GRID2IP: variants seen among roughly 807,000 people sequenced by gnomAD.
GRID2IP encodes the protein Grid2 interacting protein.
Under a neutral mutation model 114.3 loss-of-function variants are expected in GRID2IP, and 78 were observed. That is an observed-to-expected ratio of 0.68 (90% CI 0.57 to 0.82). GRID2IP has a LOEUF of 0.82. GRID2IP is among the 40% of genes least tolerant of loss of function. The pLI is 0.00. For synonymous variants in GRID2IP, 809 were observed against 724.0 expected (o/e 1.12, Z -1.89); for missense variants, 1,727 against 1,678.5 (o/e 1.03, Z -0.51).
rs1779729499 is a variant in GRID2IP at position 6,536,683 on chromosome 7, C to CG, written c.584+3034dup. 1.6e-6 allele frequency: 1 copy of CG among 642,432 alleles called. No homozygotes were observed. Among genetic ancestry groups the CG allele is most frequent in the Non-Finnish European group, 2.9e-6 (1 of 348,754 alleles). The allele number at this position is 642,432 out of a possible 1,614,324, so 39.8% of individuals were successfully genotyped here. On this transcript the variant is annotated intron_variant, in intron 2 of 21. Coordinates refer to ENST00000457091, the MANE Select transcript of GRID2IP (RefSeq NM_001145118.2). This position sits in a 1 kb window ranked among gnomAD's most constrained non-coding sequence, Gnocchi z 5.3. ...CTGGCCCATCCCTGGTGGGGAGGGGCGGGACGGGGGGCTGCCTGTCAATCA... is the reference window on the plus strand; with the variant it reads ...CTGGCCCATCCCTGGTGGGGAGGGGCGGGGACGGGGGGCTGCCTGTCAATCA...
At chr7:6,550,054 A>C (rs1363618342) in intron 1 of GRID2IP, among the ~76,000 whole-genome samples, 3 of 152,038 alleles carry the variant, frequency 2.0e-5, no homozygotes, top group Non-Finnish European at 2.9e-5. Flanking sequence ...GCAGTGGTGC[A>C]GTCATGGCTC....
chr7:6,503,629 G>A lies in GRID2IP; in HGVS notation c.2769C>T (p.Ser923=), dbSNP rs955551179. 2 of 1,528,166 alleles carry A rather than the reference G, an allele frequency of 1.3e-6. No individual in the cohort carries two copies. Among genetic ancestry groups the A allele is most frequent in the East Asian group, 2.5e-5 (1 of 40,096 alleles). The allele number at this position is 1,528,166 out of a possible 1,614,324, so 94.7% of individuals were successfully genotyped here. Reference sequence around the variant, plus strand: ...CGGGCTCCAGGCGCCGGGGCTCCATGCTCATCAGCACCTGGCGCAGCTCCG... The same window carrying A: ...CGGGCTCCAGGCGCCGGGGCTCCATACTCATCAGCACCTGGCGCAGCTCCG... ...SPAELRQVLM[S]MEPRRLEPAH... The change falls in exon 16 of 22, where the codon AGC becomes AGT. Residue 923 remains serine, a synonymous_variant. Transcript: ENST00000457091.
chr7:6,544,741 A>G (rs1416981037), intron 1 of GRID2IP, among the ~76,000 whole-genome samples: 1 of 152,010 alleles, frequency 6.6e-6, no homozygotes, highest in Non-Finnish European at 1.5e-5. Flanking sequence ...ACTTGAGGCC[A>G]GGAGTTGGAG....
At position 6,504,866 on chromosome 7, in the gene GRID2IP, C is replaced by G; in HGVS notation, c.2637G>C (p.Pro879=). 6.4e-7 allele frequency: 1 copy of G among 1,551,236 alleles called. No individual in the cohort carries two copies. Among genetic ancestry groups the G allele is most frequent in the Non-Finnish European group, 8.7e-7 (1 of 1,146,802 alleles). ...TCCGGAAGGGCTCCGGCCCCGGCAC[C>G]GGTTCTGGAAAAGAAACTGACAGTT... ...LHFGTQKPAK[P]VPGPEPFRKK... The change falls in exon 15 of 22, where the codon CCG becomes CCC. Residue 879 remains proline, a synonymous_variant. Coordinates refer to ENST00000457091, the MANE Select transcript of GRID2IP (RefSeq NM_001145118.2).
In GRID2IP at chr7:6,516,170, C is replaced by G. The variant is rs997844844; in HGVS notation, c.1269-1641G>C. Among the ~76,000 whole-genome samples, 11 of 150,830 alleles carry G rather than the reference C, an allele frequency of 7.3e-5. No individual in the cohort carries two copies. Among genetic ancestry groups the G allele is most frequent in the Middle Eastern group, 3.4e-3 (1 of 294 alleles). On this transcript the variant is annotated intron_variant, in intron 7 of 21. Coordinates refer to ENST00000457091, the MANE Select transcript of GRID2IP (RefSeq NM_001145118.2). This position sits in a 1 kb window ranked among gnomAD's most constrained non-coding sequence, Gnocchi z 4.3. The stretch of plus-strand genomic sequence containing the variant: ...AGGAGAATATCTTTTGACCTAGAAG[C>G]AGGGAAGAGCTTAAAATTTCAAAAG...
rs1786435538 is a variant in GRID2IP at position 6,502,210 on chromosome 7, T to C, written c.3151-92A>G. The C allele has an allele frequency of 7.9e-6, 10 of 1,261,128 alleles. No homozygotes were observed. The South Asian group carries it at 1.1e-4, about 14-fold the overall frequency. The allele number at this position is 1,261,128 out of a possible 1,614,324, so 78.1% of individuals were successfully genotyped here. On this transcript the variant is annotated intron_variant, in intron 18 of 21. Transcript: ENST00000457091. ...TTCTCCTGGACTACTGTGGCATCAA[T>C]GATGAATTCTTGGCGCCCCCACTTT...
chr7:6,531,825 T>C (rs1779632428), intron 2 of GRID2IP, among the ~76,000 whole-genome samples: 1 of 152,100 alleles, frequency 6.6e-6, no homozygotes, highest in Admixed American at 6.5e-5. Flanking sequence ...AGGAGAGGGC[T>C]GATGCTGGGA....
chr7:6,535,010 C>G (rs958902655), intron 2 of GRID2IP, among the ~76,000 whole-genome samples: 4 of 152,180 alleles, frequency 2.6e-5, no homozygotes, highest in Admixed American at 1.3e-4. Flanking sequence ...CTCAGCCTCC[C>G]GAGTAGCTGG....
At chr7:6,518,283 A>T (rs1343870970) in intron 7 of GRID2IP, among the ~76,000 whole-genome samples, 1 of 152,202 alleles carries the variant, frequency 6.6e-6, no homozygotes, top group Admixed American at 6.6e-5. Flanking sequence ...CAACAAGGAC[A>T]AAAAGTCCAA....
chr7:6,546,031 T>C (rs1779882540), intron 1 of GRID2IP, among the ~76,000 whole-genome samples: 1 of 152,000 alleles, frequency 6.6e-6, no homozygotes. Flanking sequence ...ATTACCCAGA[T>C]GTTCTCAGCC....
chr7:6,524,489 GCA>G (rs375139767), intron 4 of GRID2IP, among the ~76,000 whole-genome samples: 1 of 152,050 alleles, frequency 6.6e-6, no homozygotes, highest in African/African-American at 2.4e-5. Context: ...GAATATGAGT[GCA>G]CACACACACC....
In GRID2IP at chr7:6,508,420, G is replaced by C. The variant is rs1247039803; in HGVS notation, c.2128-19C>G. 4.5e-6 allele frequency: 7 copies of C among 1,550,712 alleles called. No individual in the cohort carries two copies. In the South Asian group the frequency reaches 8.3e-5, roughly 18 times the overall value. On this transcript the variant is annotated intron_variant, in intron 12 of 21. Coordinates refer to ENST00000457091, the MANE Select transcript of GRID2IP (RefSeq NM_001145118.2). This position sits in a 1 kb window ranked among gnomAD's most constrained non-coding sequence, Gnocchi z 5.6. The stretch of plus-strand genomic sequence containing the variant: ...AGCTCATCTGGTGGTGGGGAGAGAG[G>C]CAAGGGGAGGGTGAGGCTGGGCCCA...
At chr7:6,517,832 G>A (rs1344013594) in intron 7 of GRID2IP, among the ~76,000 whole-genome samples, 1 of 152,026 alleles carries the variant, frequency 6.6e-6, no homozygotes, top group Non-Finnish European at 1.5e-5. Context: ...GAACCGGGAA[G>A]GCAGAGGTTG....
chr7:6,524,803 G>A (rs1014133417), intron 4 of GRID2IP, among the ~76,000 whole-genome samples: 16 of 151,582 alleles, frequency 1.1e-4, no homozygotes, highest in Admixed American at 6.6e-5. Context: ...TGCAAGCTCC[G>A]CCTCCCGGGC....
rs1786668124 is a variant in GRID2IP at position 6,508,663 on chromosome 7, G to A, written c.2128-262C>T. On this transcript the variant is annotated intron_variant, in intron 12 of 21. Coordinates refer to ENST00000457091, the MANE Select transcript of GRID2IP (RefSeq NM_001145118.2). The surrounding 1 kb of genome is among the most constrained non-coding windows in gnomAD (Gnocchi z 5.6). ...TGTGAGGGGGATAGCCTGGAATAAG[G>A]ACAGGACCCTGTCACGGGTTAGCCT... is the stretch of plus-strand genomic sequence containing the variant. Among the ~76,000 whole-genome samples the A allele has an allele frequency of 6.6e-6, 1 of 152,132 alleles. No homozygotes were observed. Among genetic ancestry groups the A allele is most frequent in the Non-Finnish European group, 1.5e-5 (1 of 68,008 alleles).
Position 6,526,790 on chromosome 7 carries a change from GT to G in GRID2IP, c.585-22del, listed in dbSNP as rs1308549989. 1 of 1,489,054 alleles carries G rather than the reference GT, an allele frequency of 6.7e-7. No homozygotes were observed. Among genetic ancestry groups the G allele is most frequent in the Admixed American group, 2.3e-5 (1 of 43,022 alleles). 92.2% of individuals were successfully genotyped at this position (1,489,054 alleles called of 1,614,324 possible). A position where few individuals can be genotyped will look rare whatever the true frequency, so the allele number is the denominator to read the frequency against. ...AGATCCTGCCGGCGAGGACGGCGGAGTCGGGGCGCGTTCCCGGACCCCGGAT... is the reference window on the plus strand; with the variant it reads ...AGATCCTGCCGGCGAGGACGGCGGAGCGGGGCGCGTTCCCGGACCCCGGAT... On this transcript the variant is annotated intron_variant, in intron 2 of 21. Transcript: ENST00000457091. The surrounding 1 kb of genome is among the most constrained non-coding windows in gnomAD (Gnocchi z 7.6).
In GRID2IP at chr7:6,498,089, A is replaced by G; in HGVS notation, c.3539T>C (p.Phe1180Ser). 6 of 1,551,470 alleles carry G rather than the reference A, an allele frequency of 3.9e-6. No homozygotes were observed. The highest frequency in any genetic ancestry group is 5.2e-6 in the Non-Finnish European group (6 of 1,146,878). Residue 1180 changes from phenylalanine (F) to serine (S), a missense_variant, in exon 21 of 22, where the codon TTT becomes TCT. Coordinates refer to ENST00000457091, the MANE Select transcript of GRID2IP (RefSeq NM_001145118.2). ...ATTSEAFFGI[F>S]AEFMSKFERA... is the part of the protein sequence containing the mutation. ...CTCGAATTTGCTCATGAACTCTGCA[A>G]AGATGCCGAAGAAAGCCTCAGAGGT...
chr7:6,545,640 T>C (rs1779877049), intron 1 of GRID2IP, among the ~76,000 whole-genome samples: 1 of 152,222 alleles, frequency 6.6e-6, no homozygotes, highest in Non-Finnish European at 1.5e-5. Flanking sequence ...TGAGTCTGTG[T>C]AACCGTCTGT....
chr7:6,536,289 C>T lies in GRID2IP; in HGVS notation c.584+3429G>A, dbSNP rs1779721085. On this transcript the variant is annotated intron_variant, in intron 2 of 21. Transcript: ENST00000457091. This position sits in a 1 kb window ranked among gnomAD's most constrained non-coding sequence, Gnocchi z 5.3. ...TCCTCCAGCAGCCTCCCCAGTTTTC[C>T]TGGCGCACTTGACACGCGCTTACAG... 6.6e-6 allele frequency among the ~76,000 whole-genome samples: 1 copy of T among 152,230 alleles called. No homozygotes were observed.
Sources: allele counts gnomAD v4.1 joint callset (sites outside exome capture counted in the v4.1 genomes callset), GRCh38; gene constraint gnomAD v4.1.1; non-coding constraint Gnocchi (gnomAD v3.1); transcripts MANE v1.5; gene names NCBI Gene and HGNC (gene_info 2026-07-23, HGNC 2026-07-21).